The following DAGLB variants were observed in gnomAD, a reference collection of about 807,000 sequenced individuals.
DAGLB encodes diacylglycerol lipase beta.
DAGLB carries 66 observed loss-of-function variants against 72.1 expected under a neutral mutation model. The observed-to-expected ratio is 0.92, with a 90% confidence interval of 0.75 to 1.12. The LOEUF (loss-of-function observed/expected upper bound fraction) is 1.12. DAGLB is among the 50% of genes most tolerant of loss of function. The pLI, the probability that DAGLB is intolerant of heterozygous loss-of-function variation, is 0.00. For missense variants in DAGLB, 1,065 were observed against 884.9 expected, an observed-to-expected ratio of 1.20 and a Z score of -2.58; for synonymous variants, 414 against 359.5, an observed-to-expected ratio of 1.15 and a Z score of -1.71.
At position 6,424,813 on chromosome 7, in the gene DAGLB, A is replaced by G. The variant is rs781319550; in HGVS notation, c.1079T>C (p.Val360Ala). The G allele has an allele frequency of 6.2e-7, 1 of 1,613,894 alleles. No homozygotes were observed. Residue 360 changes from valine to alanine, a missense_variant, in exon 8 of 15, where the codon GTG becomes GCG. Physicochemically the swap from Val to Ala is moderately conservative, Grantham distance 64. Transcript: ENST00000297056. Reference sequence around the variant, plus strand: ...AGACTCTTTCCTGTGATCCAGAGCCACTAAAAACGGCAGCTCGTAAACCTG... The same window carrying G: ...AGACTCTTTCCTGTGATCCAGAGCCGCTAAAAACGGCAGCTCGTAAACCTG... ...HDKVYELPFL[V>A]ALDHRKESVV...
In DAGLB at chr7:6,410,188, G is replaced by A. The variant is rs1783672864; in HGVS notation, c.1762C>T (p.Pro588Ser). Residue 588 changes from proline to serine, a missense_variant, in exon 14 of 15, where the codon CCC (proline) becomes TCC (serine). Coordinates refer to ENST00000297056, the MANE Select transcript of DAGLB (RefSeq NM_139179.4). ...DSPLDSSPKY[P>S]PLYPPGRIIH... ...ATCCTGCCGGGAGGGTAGAGAGGGG[G>A]GTACTTGGGAGAAGAGTCCAGTGGG... 1.9e-6 allele frequency: 3 copies of A among 1,597,650 alleles called. No homozygotes were observed. The highest frequency in any genetic ancestry group is 2.6e-6 in the Non-Finnish European group (3 of 1,169,822).
intron 8 of DAGLB, 121 bp from the exon 9 acceptor site, chr7:6,421,925 T>A (rs1207658940): frequency 8.8e-7 from 1 of 1,132,182 alleles, no homozygotes; most frequent in Non-Finnish European, 1.3e-6. Flanking sequence ...CATCTCCTAG[T>A]TCGGTCCTGG....
intron 6 of DAGLB, among the ~76,000 whole-genome samples, chr7:6,426,923 C>T (rs190152453): frequency 5.5e-4 from 83 of 152,224 alleles, no homozygotes; most frequent in African/African-American, 1.9e-3. Context: ...GTCTGGCCAA[C>T]GTGCTGGAAC....
At position 6,409,908 on chromosome 7, in the gene DAGLB, T is replaced by A; in HGVS notation, c.1948A>T (p.Ser650Cys). ...CAGGCCGCTCTGTCGGAGACCACGC[T>A]GTCCAAGGCCCGCATCAGGATGTCT... Reference protein sequence around the residue: ...MPDILMRALDSVVSDRAACVS... With the variant: ...MPDILMRALDCVVSDRAACVS... Residue 650 changes from serine to cysteine, a missense_variant, in exon 15 of 15, where the codon AGC becomes TGC. Transcript: ENST00000297056. The A allele has an allele frequency of 6.2e-7, 1 of 1,614,130 alleles. No homozygotes were observed. The highest frequency in any genetic ancestry group is 1.1e-5 in the South Asian group (1 of 91,092).
intron 11 of DAGLB, 117 bp from the exon 12 acceptor site, chr7:6,413,151 C>G (rs1371973019): frequency 2.7e-6 from 3 of 1,101,680 alleles, no homozygotes; most frequent in East Asian, 2.6e-5. Flanking sequence ...GCTCTGTTCT[C>G]TCTTCTCTAA....
chr7:6,410,971 G>A (rs1156992441), intron 13 of DAGLB, among the ~76,000 whole-genome samples: 2 of 141,034 alleles, frequency 1.4e-5, no homozygotes, highest in Non-Finnish European at 3.0e-5. Flanking sequence ...TGCAAGCTCC[G>A]CCTCCCGGGT....
At chr7:6,435,928 C>T (rs957248854) in intron 3 of DAGLB, among the ~76,000 whole-genome samples, 1 of 152,096 alleles carries the variant, frequency 6.6e-6, no homozygotes, top group African/African-American at 2.4e-5. Flanking sequence ...CTAGAAAACA[C>T]GAAAACCTTA....
At chr7:6,440,037 G>A (rs836546) in intron 2 of DAGLB, among the ~76,000 whole-genome samples, 23,910 of 135,216 alleles carry the variant, frequency 0.18, 2,370 homozygotes, top group East Asian at 0.31. Context: ...GGGTGATGGA[G>A]AAAGACTCTG....
chr7:6,432,771 ATGATTC>A lies in DAGLB; in HGVS notation c.801+60_801+65del, dbSNP rs1219728818. The A allele has an allele frequency of 2.9e-5, 45 of 1,552,704 alleles. No individual in the cohort carries two copies. The East Asian group carries it at 1.0e-3, about 35-fold the overall frequency. On this transcript the variant is annotated intron_variant, in intron 5 of 14. Coordinates refer to ENST00000297056, the MANE Select transcript of DAGLB (RefSeq NM_139179.4). ...GAAGAAATTGCTATAGGTTAGCTGT[ATGATTC>A]TGAAGACCCACCAAAAGGTGTAAGT... is the stretch of plus-strand genomic sequence containing the variant.
At chr7:6,413,380 C>T (rs969165987) in intron 11 of DAGLB, among the ~76,000 whole-genome samples, 1 of 152,158 alleles carries the variant, frequency 6.6e-6, no homozygotes, top group African/African-American at 2.4e-5. Flanking sequence ...CCTGTAATCC[C>T]AGCACTTTGG....
intron 9 of DAGLB, among the ~76,000 whole-genome samples, chr7:6,418,272 G>T (rs1364140619): frequency 1.3e-5 from 2 of 152,190 alleles, no homozygotes; most frequent in African/African-American, 4.8e-5. Context: ...GGGAGGCTGA[G>T]GCAGGAGGAT....
At chr7:6,446,303 C>T (rs1294006696) in intron 1 of DAGLB, among the ~76,000 whole-genome samples, 199 bp from the exon 2 acceptor site, 6 of 84,130 alleles carry the variant, frequency 7.1e-5, no homozygotes, top group Middle Eastern at 6.3e-3. Flanking sequence ...CCTGTCTCTA[C>T]GAAAAATACA....
chr7:6,412,768 G>A (rs368713526), intron 13 of DAGLB, 43 bp downstream of exon 13: 5 of 1,553,464 alleles, frequency 3.2e-6, no homozygotes, highest in East Asian at 2.4e-5. Context: ...CTCAGGGACA[G>A]GCCCCGTGTC....
rs777859468 is a variant in DAGLB at position 6,409,193 on chromosome 7, G to A, written c.*644C>T. ...ACTGGCCGACCCCAGAGCCAGAAGA[G>A]TAGCAAGAATTCAATCAGCAACTCC... On this transcript the variant is annotated 3_prime_UTR_variant, in exon 15 of 15. Transcript: ENST00000297056. 7.8e-4 allele frequency: 120 copies of A among 154,078 alleles called. No homozygotes were observed. Among genetic ancestry groups the A allele is most frequent in the Admixed American group, 4.7e-3 (73 of 15,608 alleles). The allele number at this position is 154,078 out of a possible 1,614,324, so 9.5% of individuals were successfully genotyped here.
rs199759442 is a variant in DAGLB at position 6,412,953 on chromosome 7, C to G, written c.1496+13G>C. 2.7e-5 allele frequency: 44 copies of G among 1,613,876 alleles called. No individual in the cohort carries two copies. The East Asian group carries it at 9.6e-4, about 35-fold the overall frequency. ...AACCCCCCAGCCCTGGGCACAGCACCAGGTGGGCTTACCTGGGAATCACAT... is the reference window on the plus strand; with the variant it reads ...AACCCCCCAGCCCTGGGCACAGCACGAGGTGGGCTTACCTGGGAATCACAT... On this transcript the variant is annotated intron_variant, in intron 12 of 14. Coordinates refer to ENST00000297056, the MANE Select transcript of DAGLB (RefSeq NM_139179.4).
chr7:6,434,870 T>C lies in DAGLB; in HGVS notation c.570A>G (p.Thr190=). The change falls in exon 4 of 15, where the codon ACA becomes ACG. Residue 190 remains threonine (T), a synonymous_variant. Coordinates refer to ENST00000297056, the MANE Select transcript of DAGLB (RefSeq NM_139179.4). ...GCTTGATTCTGGTTTCCCACACGCT[T>C]GTAGCTGCTGTCTTGAGGCCATTAA... ...QLLNGLKTAA[T]SVWETRIKLL... 1 of 1,614,180 alleles carries C rather than the reference T, an allele frequency of 6.2e-7. No homozygotes were observed. Among genetic ancestry groups the C allele is most frequent in the Admixed American group, 1.7e-5 (1 of 60,006 alleles).
At chr7:6,413,616 C>A (rs980942256) in intron 11 of DAGLB, among the ~76,000 whole-genome samples, 1 of 148,334 alleles carries the variant, frequency 6.7e-6, no homozygotes, top group Non-Finnish European at 1.5e-5. Context: ...GGCGACAGAG[C>A]GAGACTCCAT....
chr7:6,421,216 C>G (rs150133878), intron 9 of DAGLB, among the ~76,000 whole-genome samples: 1 of 151,654 alleles, frequency 6.6e-6, no homozygotes, highest in Non-Finnish European at 1.5e-5. Flanking sequence ...AGTAGCCACG[C>G]GACTTTGGGC....
chr7:6,434,695 G>T, intron 4 of DAGLB, 67 bp downstream of exon 4: 1 of 1,600,310 alleles, frequency 6.2e-7, no homozygotes, highest in African/African-American at 1.3e-5. Flanking sequence ...GGAACAGAGG[G>T]ACCGGCTCCA....
Sources: gnomAD v4.1 joint callset for allele counts (sites outside exome capture counted in the v4.1 genomes callset) on GRCh38, gnomAD v4.1.1 for gene constraint, MANE v1.5 for transcripts, NCBI Gene and HGNC (gene_info 2026-07-23, HGNC 2026-07-21) for gene names.